The following MGAT4C variants were observed in gnomAD, a reference collection of about 807,000 sequenced individuals.
The protein encoded by MGAT4C is alpha-1,3-mannosyl-glycoprotein 4-beta-N-acetylglucosaminyltransferase C.
MGAT4C carries 19 observed loss-of-function variants against 40.1 expected under a neutral mutation model. The ratio of observed to expected loss-of-function variants is 0.47; its 90% CI spans 0.33 to 0.70. The LOEUF is 0.70. Ranked by LOEUF, MGAT4C falls within the 30% of genes least tolerant of loss-of-function variation. MGAT4C has a pLI of 0.02. For missense variants in MGAT4C, 491 were observed against 563.2 expected (o/e 0.87, Z 1.30); for synonymous variants, 181 against 187.1 (o/e 0.97, Z 0.27).
At chr12:86,388,947 G>A (rs1403509296) in intron 3 of MGAT4C, among the ~76,000 whole-genome samples, 1 of 152,042 alleles carries the variant, frequency 6.6e-6, no homozygotes, top group Non-Finnish European at 1.5e-5. Flanking sequence ...GCCTCCCAAA[G>A]TGCTGAGATT....
At chr12:86,647,804 T>G (rs1450210319) in intron 2 of MGAT4C, among the ~76,000 whole-genome samples, 1 of 151,972 alleles carries the variant, frequency 6.6e-6, no homozygotes, top group African/African-American at 2.4e-5. Context: ...TTTATCAGCA[T>G]TATGATAAAC....
chr12:86,270,089 C>CA (rs1952904736), intron 4 of MGAT4C, among the ~76,000 whole-genome samples: 1 of 151,902 alleles, frequency 6.6e-6, no homozygotes, highest in African/African-American at 2.4e-5. Context: ...TCTTTTGAGA[C>CA]AGAGTCTCAC....
chr12:86,779,510 G>GGC (rs1432393782), intron 1 of MGAT4C, among the ~76,000 whole-genome samples: 28 of 152,154 alleles, frequency 1.8e-4, no homozygotes, highest in African/African-American at 6.8e-4. Flanking sequence ...GTGGAGGTGA[G>GGC]AGGGTTGCCT....
upstream of MGAT4C, among the ~76,000 whole-genome samples, chr12:86,256,846 A>G (rs1296435531): frequency 2.0e-5 from 3 of 152,176 alleles, no homozygotes; most frequent in African/African-American, 7.2e-5. Flanking sequence ...GAGAAAAATT[A>G]TAATGTAGTC....
intron 1 of MGAT4C, among the ~76,000 whole-genome samples, chr12:86,135,073 C>T (rs1424693029): frequency 1.3e-5 from 2 of 152,068 alleles, no homozygotes; most frequent in African/African-American, 4.8e-5. Flanking sequence ...TGAACTATAC[C>T]TGTTTTATTT....
chr12:86,228,645 T>C (rs1335327472), intron 1 of MGAT4C, among the ~76,000 whole-genome samples: 1 of 151,012 alleles, frequency 6.6e-6, no homozygotes, highest in Non-Finnish European at 1.5e-5. Context: ...GGAAGAGAAA[T>C]AAGGATTTGC....
At position 86,707,413 on chromosome 12, in the gene MGAT4C, T is replaced by G. The variant is rs142659363; in HGVS notation, c.-229+19796A>C. On this transcript the variant is annotated intron_variant, in intron 2 of 7. Coordinates refer to the MGAT4C transcript ENST00000548651. ...TGTTGGGAACTGGAGCAAAGGTGAT[T>G]CTAGTTATGTTTTAGAAAAGACACT... Among the ~76,000 whole-genome samples the G allele has an allele frequency of 5.9e-3, 894 of 152,208 alleles. 3 individuals carry two copies. The highest frequency in any genetic ancestry group is 0.014 in the Middle Eastern group (4 of 294).
intron 2 of MGAT4C, among the ~76,000 whole-genome samples, chr12:86,591,560 C>A (rs941335486): frequency 6.6e-5 from 10 of 151,572 alleles, no homozygotes; most frequent in African/African-American, 1.9e-4. Context: ...TTACTAAGGT[C>A]CCAAAACAAA....
At chr12:86,660,588 T>C (rs1207571936) in intron 2 of MGAT4C, among the ~76,000 whole-genome samples, 6 of 152,192 alleles carry the variant, frequency 3.9e-5, no homozygotes, top group African/African-American at 1.4e-4. Context: ...ATATAGATGC[T>C]AGCAGAGAAT....
Position 85,969,160 on chromosome 12 carries a change from G to T in MGAT4C, c.*10129C>A, listed in dbSNP as rs1214866989. 2 of 151,668 alleles carry T rather than the reference G, an allele frequency of 1.3e-5. No homozygotes were observed. Among genetic ancestry groups the T allele is most frequent in the Admixed American group, 6.6e-5 (1 of 15,194 alleles). The allele number at this position is 151,668 out of a possible 1,614,324, so 9.4% of individuals were successfully genotyped here. On this transcript the variant is annotated 3_prime_UTR_variant, in exon 5 of 5. Coordinates refer to ENST00000611864, the MANE Select transcript of MGAT4C (RefSeq NM_001351288.2). ...CACATTTTCAATATATTGAAAAGAT[G>T]ATTCTTTTGCATGATGACTTGTTAT...
chr12:86,519,770 T>G (rs1277209362), intron 2 of MGAT4C, among the ~76,000 whole-genome samples: 3 of 152,174 alleles, frequency 2.0e-5, no homozygotes, highest in Non-Finnish European at 4.4e-5. Context: ...TGTTTTCTTT[T>G]GCTATTTGAG....
chr12:86,270,333 G>A (rs1487461572), intron 4 of MGAT4C, among the ~76,000 whole-genome samples: 5 of 151,786 alleles, frequency 3.3e-5, no homozygotes, highest in African/African-American at 1.2e-4. Context: ...CGCCCGCCTC[G>A]GCCTCCCAAA....
intron 1 of MGAT4C, among the ~76,000 whole-genome samples, chr12:86,058,868 C>T (rs2136994802): frequency 6.6e-6 from 1 of 151,876 alleles, no homozygotes. Context: ...CTCCCCAATT[C>T]CAATCTTACT....
At chr12:86,277,504 C>G (rs1953105369) in intron 4 of MGAT4C, among the ~76,000 whole-genome samples, 1 of 152,100 alleles carries the variant, frequency 6.6e-6, no homozygotes, top group Admixed American at 6.5e-5. Flanking sequence ...CCATTGTTTC[C>G]TTTTTAGCCT....
chr12:86,199,071 C>A (rs1271267931), intron 1 of MGAT4C, among the ~76,000 whole-genome samples: 2 of 152,182 alleles, frequency 1.3e-5, no homozygotes, highest in African/African-American at 4.8e-5. Context: ...TTGATCTATT[C>A]TGAAATTTAT....
At chr12:86,495,120 CA>C (rs1958214494) in intron 2 of MGAT4C, 1 of 151,844 alleles carries the variant, frequency 6.6e-6, no homozygotes, top group South Asian at 2.1e-4. Flanking sequence ...TAGAAATACC[CA>C]AATATCTTTA....
intron 2 of MGAT4C, among the ~76,000 whole-genome samples, chr12:86,664,697 T>C (rs944537051): frequency 2.6e-5 from 4 of 152,154 alleles, no homozygotes; most frequent in African/African-American, 9.7e-5. Flanking sequence ...GGACAAGTTA[T>C]TAACCTAAAG....
intron 2 of MGAT4C, among the ~76,000 whole-genome samples, chr12:86,471,225 T>C (rs61950761): frequency 0.1 from 15,764 of 152,012 alleles, 1,031 homozygotes; most frequent in Middle Eastern, 0.25. Context: ...ACATAAAAGA[T>C]AATTTTTCTA....
At chr12:86,766,326 A>AAT (rs1489428591) in intron 1 of MGAT4C, among the ~76,000 whole-genome samples, 1 of 152,068 alleles carries the variant, frequency 6.6e-6, no homozygotes, top group African/African-American at 2.4e-5. Context: ...AACTATCCTA[A>AAT]ATATATATGC....
Sources: gnomAD v4.1 joint callset for allele counts (sites outside exome capture counted in the v4.1 genomes callset) on GRCh38, gnomAD v4.1.1 for gene constraint, MANE v1.5 for transcripts, NCBI Gene and HGNC (gene_info 2026-07-23, HGNC 2026-07-21) for gene names.